Variants in CCDC12 observed in about 807,000 individuals in gnomAD.
The protein encoded by CCDC12 is coiled-coil domain-containing protein 12.
In CCDC12, 28 loss-of-function variants were observed where a neutral mutation model predicts 25.7. The ratio of observed to expected loss-of-function variants is 1.09; its 90% CI spans 0.81 to 1.50. The LOEUF (loss-of-function observed/expected upper bound fraction) is 1.50, where lower values mean the gene tolerates loss of function less well. Among genes scored for constraint, CCDC12 ranks in the 40% most tolerant of loss-of-function variants. CCDC12 has a pLI of 0.00. For missense variants in CCDC12, 198 were observed against 210.0 expected (o/e 0.94, Z 0.35); for synonymous variants, 75 against 87.7 (o/e 0.86, Z 0.81).
At chr3:46,963,314 T>C (rs1320758224) in intron 1 of CCDC12, among the ~76,000 whole-genome samples, 2 of 152,202 alleles carry the variant, frequency 1.3e-5, no homozygotes, top group African/African-American at 2.4e-5. Flanking sequence ...ATTAAAAAGA[T>C]TTTTTATGCC....
At chr3:46,929,297 CA>C (rs1479096244) in intron 2 of CCDC12, among the ~76,000 whole-genome samples, 4 of 151,908 alleles carry the variant, frequency 2.6e-5, no homozygotes, top group Non-Finnish European at 4.4e-5. Flanking sequence ...CAAAAAAATC[CA>C]AAAGGAGACA....
chr3:46,938,310 C>T lies in CCDC12; in HGVS notation c.164+2688G>A, dbSNP rs371315996. On this transcript the variant is annotated intron_variant, in intron 2 of 6. Coordinates refer to ENST00000683445, the MANE Select transcript of CCDC12 (RefSeq NM_001277074.2). ...TGTAAGACCTAACAGGAAGCAGGTC[C>T]TCACATGGCAGGGCCTCTTTTATCT... 3.9e-5 allele frequency among the ~76,000 whole-genome samples: 6 copies of T among 152,298 alleles called. No homozygotes were observed. In the East Asian group the frequency reaches 1.2e-3, roughly 29 times the overall value.
chr3:46,970,994 AGTACCCCAGTCCAGCACTTTCAGACT>A (rs2034787614), intron 1 of CCDC12, among the ~76,000 whole-genome samples: 1 of 152,174 alleles, frequency 6.6e-6, no homozygotes, highest in East Asian at 1.9e-4. Context: ...TGGCTACCAG[AGTACCCCAGTCCAGCACTTTCAGACT>A]GTACCCCTGC....
At chr3:46,958,106 G>C (rs1238133359) in intron 1 of CCDC12, among the ~76,000 whole-genome samples, 1 of 151,812 alleles carries the variant, frequency 6.6e-6, no homozygotes, top group African/African-American at 2.4e-5. Context: ...AGCACGACAA[G>C]ATAACGAAGA....
At chr3:46,965,471 C>T (rs1055180678) in intron 1 of CCDC12, among the ~76,000 whole-genome samples, 2 of 152,226 alleles carry the variant, frequency 1.3e-5, no homozygotes, top group African/African-American at 4.8e-5. Context: ...GAATAGCCAC[C>T]CATCTGCCTC....
chr3:46,951,581 C>T (rs2034115039), intron 1 of CCDC12, among the ~76,000 whole-genome samples: 1 of 150,014 alleles, frequency 6.7e-6, no homozygotes, highest in Non-Finnish European at 1.5e-5. Context: ...GAGATCAAGA[C>T]CATCCTGGCT....
rs1461801176 is a variant in CCDC12, at chr3:46,923,121, C to T, written c.341+208G>A. 14 of 452,250 alleles carry T rather than the reference C, an allele frequency of 3.1e-5. No homozygotes were observed. In the South Asian group the frequency reaches 4.2e-4, roughly 14 times the overall value. The allele number at this position is 452,250 out of a possible 1,614,324, so 28.0% of individuals were successfully genotyped here. ...TTCATGAGGGGCCTGCTGCTCCCCG[C>T]GCCTGAGCCCCACTCCATCACTCCC... On this transcript the variant is annotated intron_variant, in intron 5 of 6. Coordinates refer to ENST00000683445, the MANE Select transcript of CCDC12 (RefSeq NM_001277074.2).
intron 1 of CCDC12, among the ~76,000 whole-genome samples, chr3:46,948,538 T>A (rs1392867935): frequency 1.3e-5 from 2 of 152,084 alleles, no homozygotes; most frequent in Non-Finnish European, 2.9e-5. Flanking sequence ...TGGTGGCACT[T>A]AGGGGACAAA....
At chr3:46,931,048 C>A (rs1438233852) in intron 2 of CCDC12, among the ~76,000 whole-genome samples, 1 of 152,204 alleles carries the variant, frequency 6.6e-6, no homozygotes, top group East Asian at 1.9e-4. Flanking sequence ...GCTCTCTGAG[C>A]CTTTCAATGA....
chr3:46,937,525 A>G (rs947960167), intron 2 of CCDC12, among the ~76,000 whole-genome samples: 1 of 152,194 alleles, frequency 6.6e-6, no homozygotes, highest in African/African-American at 2.4e-5. Flanking sequence ...TCACTGGCGA[A>G]TGGCCTCAGG....
chr3:46,973,762 A>G (rs1472454554), intron 1 of CCDC12, among the ~76,000 whole-genome samples: 1 of 151,458 alleles, frequency 6.6e-6, no homozygotes, highest in African/African-American at 2.4e-5. Flanking sequence ...ACAGGCGCCC[A>G]CCACCGCGCT....
At chr3:46,922,474 G>A (rs184490349) in intron 5 of CCDC12, 162 bp from the exon 6 acceptor site, 26 of 694,894 alleles carry the variant, frequency 3.7e-5, no homozygotes, top group East Asian at 2.7e-4. Flanking sequence ...TGTACCCTCC[G>A]AAACCCAGCA....
intron 2 of CCDC12, among the ~76,000 whole-genome samples, chr3:46,938,641 A>C (rs1000266128): frequency 1.3e-5 from 2 of 148,786 alleles, no homozygotes; most frequent in African/African-American, 5.0e-5. Flanking sequence ...GCCTGAGCTC[A>C]GGAGTTTGAG....
intron 1 of CCDC12, among the ~76,000 whole-genome samples, chr3:46,957,860 TTA>T (rs1292423544): frequency 6.6e-6 from 1 of 151,762 alleles, no homozygotes; most frequent in Non-Finnish European, 1.5e-5. Flanking sequence ...GGAGAATCAC[TTA>T]AACCCAGGTG....
chr3:46,941,175 G>T, intron 1 of CCDC12, 110 bp from the exon 2 acceptor site: 2 of 979,112 alleles, frequency 2.0e-6, no homozygotes, highest in East Asian at 2.4e-5. Flanking sequence ...CACCTGGCAG[G>T]GCCCAGCTTG....
At chr3:46,934,824 T>C (rs906753177) in intron 2 of CCDC12, among the ~76,000 whole-genome samples, 1 of 152,350 alleles carries the variant, frequency 6.6e-6, no homozygotes, top group Non-Finnish European at 1.5e-5. Context: ...TCACCAGATG[T>C]AGACATCCTC....
At chr3:46,975,984 T>G (rs1231159590) in intron 1 of CCDC12, 1 of 148,202 alleles carries the variant, frequency 6.7e-6, no homozygotes, top group African/African-American at 2.5e-5. Context: ...AAGCTGGGAT[T>G]ACAGGCGCGC....
At position 46,976,424 on chromosome 3, in the gene CCDC12, C is replaced by T. The variant is rs1013578074; in HGVS notation, c.96+213G>A. 2.8e-5 allele frequency: 40 copies of T among 1,421,384 alleles called. No individual in the cohort carries two copies. The African/African-American group carries it at 5.6e-4, about 20-fold the overall frequency. 88.0% of individuals were successfully genotyped at this position (1,421,384 alleles called of 1,614,324 possible). On this transcript the variant is annotated intron_variant, in intron 1 of 6. Transcript: ENST00000683445. ...GACCACTGCCTTGCCCACCCCCGCG[C>T]ATGCGCGACGACCGCACCAGCGCCA...
intron 1 of CCDC12, among the ~76,000 whole-genome samples, chr3:46,960,292 C>T (rs931831175): frequency 1.3e-5 from 2 of 152,148 alleles, no homozygotes; most frequent in African/African-American, 4.8e-5. Context: ...CTCCTCACCC[C>T]AGACACAGCC....
Sources: allele counts gnomAD v4.1 joint callset (sites outside exome capture counted in the v4.1 genomes callset), GRCh38; gene constraint gnomAD v4.1.1; transcripts MANE v1.5; gene names NCBI Gene and HGNC (gene_info 2026-07-23, HGNC 2026-07-21).